The following MTAP variants were observed in gnomAD, a reference collection of about 807,000 sequenced individuals.
The protein encoded by MTAP is S-methyl-5'-thioadenosine phosphorylase.
Under a neutral mutation model 33.6 loss-of-function variants are expected in MTAP, and 33 were observed. That is an observed-to-expected ratio of 0.98 (90% CI 0.74 to 1.31). The LOEUF (loss-of-function observed/expected upper bound fraction) is 1.31, where lower values mean the gene tolerates loss of function less well. MTAP is among the 40% of genes most tolerant of loss of function. The pLI, the probability that MTAP is intolerant of heterozygous loss-of-function variation, is 0.00. For missense variants in MTAP, 367 were observed against 360.0 expected (o/e 1.02, Z -0.16); for synonymous variants, 148 against 125.7 (o/e 1.18, Z -1.19).
chr9:21,914,833 T>G (rs966782913), intron 1 of MTAP, among the ~76,000 whole-genome samples: 3 of 150,034 alleles, frequency 2.0e-5, no homozygotes, highest in African/African-American at 7.4e-5. Context: ...ATATAGATAA[T>G]ATGGTAAATA....
chr9:21,915,720 A>G (rs1244422764), intron 1 of MTAP, among the ~76,000 whole-genome samples: 3 of 152,134 alleles, frequency 2.0e-5, no homozygotes, highest in Non-Finnish European at 2.9e-5. Context: ...AATATACTGT[A>G]AGATAACAAT....
intron 4 of MTAP, among the ~76,000 whole-genome samples, chr9:21,823,518 G>A (rs1345652017): frequency 9.8e-5 from 15 of 152,306 alleles, no homozygotes; most frequent in Non-Finnish European, 1.5e-5. Flanking sequence ...TGGGTAACCC[G>A]ACCTTTCTCT....
rs1190622170 is a variant in MTAP, at chr9:21,863,974, A to C, written c.*1960A>C. 2 of 985,680 alleles carry C rather than the reference A, an allele frequency of 2.0e-6. No individual in the cohort carries two copies. Among genetic ancestry groups the C allele is most frequent in the African/African-American group, 3.5e-5 (2 of 57,240 alleles). 61.1% of individuals were successfully genotyped at this position (985,680 alleles called of 1,614,324 possible). A position where few individuals can be genotyped will look rare whatever the true frequency, so the allele number is the denominator to read the frequency against. On this transcript the variant is annotated 3_prime_UTR_variant, in exon 8 of 8. Transcript: ENST00000644715. ...TCCATTAGCAATCTGTAGAGAACTT[A>C]ATGAACCTGAACCCAGGCTTCTCTA...
intron 4 of MTAP, among the ~76,000 whole-genome samples, chr9:21,830,727 G>A (rs1406546042): frequency 6.6e-6 from 1 of 152,090 alleles, no homozygotes; most frequent in Non-Finnish European, 1.5e-5. Context: ...GGAAACTGAA[G>A]CAAGTTTTTC....
intron 1 of MTAP, among the ~76,000 whole-genome samples, chr9:21,927,150 C>G (rs371452479): frequency 1.3e-5 from 2 of 152,208 alleles, no homozygotes; most frequent in East Asian, 1.9e-4. Context: ...ACCGTTTCAG[C>G]TTTTCATCAC....
At chr9:21,898,168 T>C (rs1818328701) in intron 1 of MTAP, among the ~76,000 whole-genome samples, 2 of 152,336 alleles carry the variant, frequency 1.3e-5, no homozygotes, top group South Asian at 4.1e-4. Flanking sequence ...CTGGGAAAAC[T>C]GGCTAGCCAT....
chr9:21,822,292 C>G (rs1330847868), intron 4 of MTAP, among the ~76,000 whole-genome samples: 2 of 152,208 alleles, frequency 1.3e-5, no homozygotes, highest in South Asian at 2.1e-4. Context: ...CCTCTACACA[C>G]TGCTTTAAAT....
In MTAP at chr9:21,862,136, G is replaced by C; in HGVS notation, c.*122G>C. 6.4e-7 allele frequency: 1 copy of C among 1,560,350 alleles called. No homozygotes were observed. The highest frequency in any genetic ancestry group is 8.7e-7 in the Non-Finnish European group (1 of 1,156,032). On this transcript the variant is annotated 3_prime_UTR_variant, in exon 8 of 8. Transcript: ENST00000644715. The stretch of plus-strand genomic sequence containing the variant: ...CTTTCATGCCCTTGCCTATCAAAGA[G>C]TATGTTGTAAGAAAGACAAGACATT...
chr9:21,927,780 T>C (rs1818893318), intron 1 of MTAP, among the ~76,000 whole-genome samples: 1 of 152,138 alleles, frequency 6.6e-6, no homozygotes, highest in South Asian at 2.1e-4. Context: ...AGAAAAAGAA[T>C]AACCACATAT....
At position 21,837,994 on chromosome 9, in the gene MTAP, G is replaced by T. The variant is rs1406590014; in HGVS notation, c.434G>T (p.Cys145Phe). 1.2e-6 allele frequency: 2 copies of T among 1,613,928 alleles called. No individual in the cohort carries two copies. The highest frequency in any genetic ancestry group is 1.7e-6 in the Non-Finnish European group (2 of 1,179,870). The change falls in exon 5 of 8, where the codon TGC (cysteine) becomes TTC (phenylalanine). Residue 145 changes from cysteine (C) to phenylalanine (F), a missense_variant. Coordinates refer to ENST00000644715, the MANE Select transcript of MTAP (RefSeq NM_002451.4). ...CATATTCCAATGGCTGAGCCGTTTT[G>T]CCCCAAAACGAGAGAGGTGTGTAGT... ...VCHIPMAEPF[C>F]PKTREVLIET...
chr9:21,876,408 A>G (rs4977739), intron 1 of MTAP, among the ~76,000 whole-genome samples: 55,241 of 151,924 alleles, frequency 0.36, 10,952 homozygotes, highest in East Asian at 0.58. Context: ...TTTTGTTGTG[A>G]TAGCTTTTGG....
At chr9:21,859,163 A>G (rs1376644471) in intron 6 of MTAP, 140 bp from the exon 7 acceptor site, 4 of 1,270,644 alleles carry the variant, frequency 3.1e-6, no homozygotes, top group African/African-American at 1.5e-5. Flanking sequence ...AATACCCTAC[A>G]TTGAGGATTC....
At chr9:21,893,118 G>A (rs1210925280) in intron 1 of MTAP, 1 of 152,168 alleles carries the variant, frequency 6.6e-6, no homozygotes, top group African/African-American at 2.4e-5. Flanking sequence ...GGGACATGGT[G>A]AAAGCAGTGT....
chr9:21,904,966 C>G (rs1254436111), intron 1 of MTAP, among the ~76,000 whole-genome samples: 2 of 152,162 alleles, frequency 1.3e-5, no homozygotes, highest in Admixed American at 1.3e-4. Context: ...TCCCGCTGCT[C>G]AAACCTCTAG....
intron 1 of MTAP, among the ~76,000 whole-genome samples, chr9:21,911,387 C>T (rs1026077677): frequency 6.6e-5 from 10 of 152,162 alleles, no homozygotes; most frequent in African/African-American, 1.9e-4. Context: ...AAGTAAAGCA[C>T]TCCTCAGCAA....
At chr9:21,868,532 A>G (rs572402613), downstream of MTAP, among the ~76,000 whole-genome samples, 21 of 152,248 alleles carry the variant, frequency 1.4e-4, no homozygotes, top group Middle Eastern at 3.4e-3. Context: ...TAAAGGCAGG[A>G]GTTGTTTTTT....
At chr9:21,868,816 G>A (rs1223974722), downstream of MTAP, among the ~76,000 whole-genome samples, 3 of 152,092 alleles carry the variant, frequency 2.0e-5, no homozygotes, top group East Asian at 1.9e-4. Flanking sequence ...CTTCTCAAAC[G>A]GGAGCACGCA....
At chr9:21,914,145 G>C (rs1818634881) in intron 1 of MTAP, among the ~76,000 whole-genome samples, 1 of 152,204 alleles carries the variant, frequency 6.6e-6, no homozygotes, top group Admixed American at 6.5e-5. Context: ...GTGCTGGAGA[G>C]GATGTGGAGA....
rs555725472 is a variant in MTAP at position 21,862,132 on chromosome 9, A to C, written c.*118A>C. On this transcript the variant is annotated 3_prime_UTR_variant, in exon 8 of 8. Transcript: ENST00000644715. ...GCAGCTTTCATGCCCTTGCCTATCA[A>C]AGAGTATGTTGTAAGAAAGACAAGA... The C allele has an allele frequency of 1.3e-6, 2 of 1,572,786 alleles. No individual in the cohort carries two copies. The highest frequency in any genetic ancestry group is 1.4e-5 in the African/African-American group (1 of 73,156).
Sources: gnomAD v4.1 joint callset for allele counts (sites outside exome capture counted in the v4.1 genomes callset) on GRCh38, gnomAD v4.1.1 for gene constraint, MANE v1.5 for transcripts, NCBI Gene and HGNC (gene_info 2026-07-23, HGNC 2026-07-21) for gene names.